LRRC4C: variants seen among roughly 807,000 people sequenced by gnomAD.
The protein encoded by LRRC4C is leucine-rich repeat-containing protein 4C.
In LRRC4C, 5 loss-of-function variants were observed where a neutral mutation model predicts 33.6. That is an observed-to-expected ratio of 0.15 (90% CI 0.08 to 0.31). The LOEUF (loss-of-function observed/expected upper bound fraction) is 0.31. Among genes scored for constraint, LRRC4C ranks in the 10% least tolerant of loss-of-function variants. The pLI is 1.00. For synonymous variants in LRRC4C, 329 were observed against 302.0 expected (o/e 1.09, Z -0.93); for missense variants, 560 against 796.7 (o/e 0.70, Z 3.58).
intron 2 of LRRC4C, among the ~76,000 whole-genome samples, chr11:40,730,574 T>A (rs1365620170): frequency 2.0e-5 from 3 of 152,168 alleles, no homozygotes; most frequent in Non-Finnish European, 4.4e-5. Context: ...AGAAAAATAA[T>A]TTTAAAATAG....
intron 1 of LRRC4C, among the ~76,000 whole-genome samples, chr11:41,171,614 G>A (rs375418945): frequency 2.7e-4 from 40 of 150,374 alleles, no homozygotes; most frequent in African/African-American, 9.0e-4. Context: ...GGTGGCGGGA[G>A]GGGGGAGGGA....
intron 2 of LRRC4C, among the ~76,000 whole-genome samples, chr11:40,756,759 A>G (rs1048954724): frequency 1.3e-5 from 2 of 152,104 alleles, no homozygotes; most frequent in South Asian, 4.1e-4. Flanking sequence ...TTTCACAAAT[A>G]TTACCTAGAA....
chr11:40,182,227 A>T (rs57633775), intron 5 of LRRC4C, among the ~76,000 whole-genome samples: 2,984 of 152,288 alleles, frequency 0.02, 97 homozygotes, highest in African/African-American at 0.068. Context: ...TTTTATCCTT[A>T]TAACACTATT....
chr11:40,702,108 G>A (rs1022779663), intron 2 of LRRC4C, among the ~76,000 whole-genome samples: 1 of 151,872 alleles, frequency 6.6e-6, no homozygotes, highest in Admixed American at 6.6e-5. Flanking sequence ...TTATTAAAAG[G>A]TTTCACAAAA....
chr11:40,679,554 T>C (rs569338522), intron 2 of LRRC4C, among the ~76,000 whole-genome samples: 1 of 152,290 alleles, frequency 6.6e-6, no homozygotes, highest in South Asian at 2.1e-4. Flanking sequence ...GTCTAGGGAC[T>C]TGGGGCCTTG....
intron 3 of LRRC4C, among the ~76,000 whole-genome samples, chr11:40,622,066 AAAGT>A (rs1386499611): frequency 6.6e-6 from 1 of 151,826 alleles, no homozygotes; most frequent in Non-Finnish European, 1.5e-5. Context: ...TTTTACTGAC[AAAGT>A]AACTAAAACC....
At chr11:40,422,925 A>T (rs2089288628) in intron 3 of LRRC4C, among the ~76,000 whole-genome samples, 1 of 151,652 alleles carries the variant, frequency 6.6e-6, no homozygotes, top group South Asian at 2.1e-4. Context: ...ATGATTAAAA[A>T]TTAAATTAAA....
chr11:40,777,538 T>C (rs1337310201), intron 2 of LRRC4C, among the ~76,000 whole-genome samples: 2 of 151,672 alleles, frequency 1.3e-5, no homozygotes, highest in Admixed American at 1.3e-4. Flanking sequence ...TGTTATTTTT[T>C]AGTCATCTAA....
At chr11:40,666,659 G>C (rs138748448) in intron 2 of LRRC4C, among the ~76,000 whole-genome samples, 1 of 152,178 alleles carries the variant, frequency 6.6e-6, no homozygotes, top group Non-Finnish European at 1.5e-5. Context: ...TATAAAAATT[G>C]ATATTTTCCT....
intron 2 of LRRC4C, among the ~76,000 whole-genome samples, chr11:40,653,878 C>T (rs1023320966): frequency 6.6e-6 from 1 of 152,182 alleles, no homozygotes; most frequent in Non-Finnish European, 1.5e-5. Flanking sequence ...GGGCCCAGGA[C>T]CTTGCTGTTT....
chr11:40,130,516 C>T (rs1485487448), intron 6 of LRRC4C, among the ~76,000 whole-genome samples: 2 of 152,148 alleles, frequency 1.3e-5, no homozygotes, highest in Non-Finnish European at 2.9e-5. Flanking sequence ...CCTAGACAAT[C>T]ACAGTGCAAG....
intron 5 of LRRC4C, among the ~76,000 whole-genome samples, chr11:40,177,205 G>A (rs1860579113): frequency 2.0e-5 from 3 of 151,360 alleles, no homozygotes; most frequent in South Asian, 2.1e-4. Flanking sequence ...TGCCCACCTC[G>A]GCCTCCCAAA....
chr11:41,237,344 T>C lies in LRRC4C; in HGVS notation c.-496+222087A>G, dbSNP rs1489859750. 2.0e-5 allele frequency among the ~76,000 whole-genome samples: 3 copies of C among 152,110 alleles called. No homozygotes were observed. The East Asian group carries it at 5.8e-4, about 29-fold the overall frequency. On this transcript the variant is annotated intron_variant, in intron 1 of 6. Coordinates refer to ENST00000528697, the MANE Select transcript of LRRC4C (RefSeq NM_001258419.2). Reference sequence around the variant, plus strand: ...GTATTCAGGAATTAATGCCCAGGTATAGGATACTAAAATAAGAAAAAAGGG... The same window carrying C: ...GTATTCAGGAATTAATGCCCAGGTACAGGATACTAAAATAAGAAAAAAGGG...
intron 1 of LRRC4C, among the ~76,000 whole-genome samples, chr11:40,941,173 A>G (rs1367387303): frequency 6.6e-6 from 1 of 152,142 alleles, no homozygotes; most frequent in African/African-American, 2.4e-5. Context: ...CAATAAAAAT[A>G]TAAGACCTGA....
At chr11:40,387,513 G>C (rs1395803717) in intron 3 of LRRC4C, among the ~76,000 whole-genome samples, 1 of 151,942 alleles carries the variant, frequency 6.6e-6, no homozygotes, top group Non-Finnish European at 1.5e-5. Flanking sequence ...TTTTATAAAG[G>C]GTTCATTTAC....
chr11:41,349,089 C>G (rs187567460), intron 1 of LRRC4C, among the ~76,000 whole-genome samples: 101 of 152,282 alleles, frequency 6.6e-4, no homozygotes, highest in African/African-American at 2.3e-3. Context: ...GATCTGAGTA[C>G]TATCCCATCT....
chr11:41,451,375 T>TTG (rs143793387), intron 1 of LRRC4C, among the ~76,000 whole-genome samples: 34 of 151,186 alleles, frequency 2.2e-4, no homozygotes, highest in Admixed American at 5.3e-4. Flanking sequence ...GATATAGATT[T>TTG]TGTGTGTGTG....
chr11:40,458,093 G>A (rs1952218292), intron 3 of LRRC4C, among the ~76,000 whole-genome samples: 1 of 152,082 alleles, frequency 6.6e-6, no homozygotes, highest in South Asian at 2.1e-4. Flanking sequence ...ACTCGTTTCT[G>A]AAAGGCTAGG....
rs1019863373 is a variant in LRRC4C at position 41,313,729 on chromosome 11, C to A, written c.-496+145702G>T. 5.9e-5 allele frequency among the ~76,000 whole-genome samples: 9 copies of A among 152,200 alleles called. No individual in the cohort carries two copies. In the East Asian group the frequency reaches 1.7e-3, roughly 29 times the overall value. On this transcript the variant is annotated intron_variant, in intron 1 of 6. Coordinates refer to ENST00000528697, the MANE Select transcript of LRRC4C (RefSeq NM_001258419.2). The stretch of plus-strand genomic sequence containing the variant: ...TACAATAGAATTAAAGTATACAAAA[C>A]AAACAATTTAGAAAGTGGTATATTT...
Sources: gnomAD v4.1 joint callset for allele counts (sites outside exome capture counted in the v4.1 genomes callset) on GRCh38, gnomAD v4.1.1 for gene constraint, MANE v1.5 for transcripts, NCBI Gene and HGNC (gene_info 2026-07-23, HGNC 2026-07-21) for gene names.